APTX: variants seen among roughly 807,000 people sequenced by gnomAD.
APTX encodes the protein aprataxin.
A neutral mutation model predicts 42.3 loss-of-function variants in APTX; 33 were observed. That is an observed-to-expected ratio of 0.78 (90% CI 0.59 to 1.04). The LOEUF (loss-of-function observed/expected upper bound fraction) is 1.04. Among genes scored for constraint, APTX ranks in the 50% least tolerant of loss-of-function variants. The pLI, the probability that APTX is intolerant of heterozygous loss-of-function variation, is 0.00. For missense variants in APTX, 421 were observed against 415.1 expected, an observed-to-expected ratio of 1.01 and a Z score of -0.12; for synonymous variants, 130 against 146.7, an observed-to-expected ratio of 0.89 and a Z score of 0.82.
At chr9:32,979,654 C>A in intron 6 of APTX, 1 of 158,758 alleles carries the variant, frequency 6.3e-6, no homozygotes, top group South Asian at 1.7e-4. Flanking sequence ...ACTCTGGGTT[C>A]CACCTGCCTT....
intron 1 of APTX, among the ~76,000 whole-genome samples, chr9:33,008,061 T>C (rs1837284739): frequency 6.6e-6 from 1 of 152,212 alleles, no homozygotes; most frequent in Admixed American, 6.5e-5. Context: ...TTTTCTAGTA[T>C]CATTTTATTT....
intron 1 of APTX, among the ~76,000 whole-genome samples, chr9:33,015,480 T>G (rs936491582): frequency 6.6e-6 from 1 of 152,156 alleles, no homozygotes; most frequent in Non-Finnish European, 1.5e-5. Flanking sequence ...TGCCTCAGCC[T>G]CCCGAGTAGC....
chr9:33,024,063 A>AAT (rs1212270832), intron 1 of APTX, among the ~76,000 whole-genome samples: 1 of 152,198 alleles, frequency 6.6e-6, no homozygotes, highest in African/African-American at 2.4e-5. Context: ...CTATCAGGTT[A>AAT]ATATAGGAGG....
At chr9:32,981,631 G>A (rs1830698504) in intron 6 of APTX, among the ~76,000 whole-genome samples, 1 of 152,148 alleles carries the variant, frequency 6.6e-6, no homozygotes, top group South Asian at 2.1e-4. Context: ...CCCAAAAGAT[G>A]TTGAAGGCGT....
chr9:32,980,750 G>T (rs1218248586), intron 6 of APTX, among the ~76,000 whole-genome samples: 3 of 152,204 alleles, frequency 2.0e-5, no homozygotes, highest in Admixed American at 2.0e-4. Context: ...AGAACAAACA[G>T]AACTTATTAA....
intron 1 of APTX, among the ~76,000 whole-genome samples, chr9:33,008,430 A>G (rs1837311330): frequency 1.3e-5 from 2 of 152,058 alleles, no homozygotes; most frequent in South Asian, 4.1e-4. Context: ...AATTAGAGAC[A>G]GGGTCTCACT....
At chr9:33,010,700 C>CCT (rs957782170) in intron 1 of APTX, among the ~76,000 whole-genome samples, 6 of 146,806 alleles carry the variant, frequency 4.1e-5, no homozygotes, top group African/African-American at 1.5e-4. Context: ...GCCTGGGCAA[C>CCT]AAGAGTGAAA....
At chr9:32,990,031 C>G in intron 1 of APTX, 136 bp from the exon 2 acceptor site, 1 of 1,038,348 alleles carries the variant, frequency 9.6e-7, no homozygotes, top group Non-Finnish European at 1.4e-6. Context: ...ACCCTAGTCT[C>G]AATTTCCTCA....
intron 4 of APTX, 92 bp from the exon 5 acceptor site, chr9:32,986,122 CTG>C (rs897483598): frequency 8.7e-7 from 1 of 1,152,152 alleles, no homozygotes; most frequent in Non-Finnish European, 1.3e-6. Flanking sequence ...ACAGTTAATA[CTG>C]TGTGATAGCA....
intron 6 of APTX, among the ~76,000 whole-genome samples, chr9:32,982,907 A>G (rs1831014738): frequency 1.3e-5 from 2 of 152,152 alleles, no homozygotes; most frequent in Admixed American, 1.3e-4. Context: ...CATCCACCCT[A>G]TGACCTAACA....
chr9:33,000,113 T>A (rs1047411767), intron 1 of APTX, among the ~76,000 whole-genome samples: 1 of 152,174 alleles, frequency 6.6e-6, no homozygotes, highest in African/African-American at 2.4e-5. Flanking sequence ...CTACTCGCTG[T>A]GTGACTTGAG....
At chr9:32,994,011 G>A (rs1400819614) in intron 1 of APTX, among the ~76,000 whole-genome samples, 4 of 152,118 alleles carry the variant, frequency 2.6e-5, no homozygotes, top group Admixed American at 1.3e-4. Flanking sequence ...GAGCCACCGC[G>A]CCCGGCCCAG....
chr9:32,991,080 CCA>C (rs1475023870), intron 1 of APTX, among the ~76,000 whole-genome samples: 1 of 152,112 alleles, frequency 6.6e-6, no homozygotes, highest in Non-Finnish European at 1.5e-5. Flanking sequence ...GCATGTGTCA[CCA>C]CAGTCAGCTA....
chr9:33,024,076 CT>C (rs1482269522), intron 1 of APTX, among the ~76,000 whole-genome samples: 1 of 152,238 alleles, frequency 6.6e-6, no homozygotes, highest in African/African-American at 2.4e-5. Context: ...ATAGGAGGCT[CT>C]CCCCTACTGA....
intron 7 of APTX, 59 bp from the exon 8 acceptor site, chr9:32,973,711 CAAAAAAA>C: frequency 3.0e-6 from 4 of 1,331,618 alleles, no homozygotes; most frequent in Middle Eastern, 2.2e-4. Flanking sequence ...TATGAGATAC[CAAAAAAA>C]AAAAAAAAAA....
chr9:32,987,648 C>T lies in APTX; in HGVS notation c.379G>A (p.Asp127Asn), dbSNP rs898522455. ...RSGNSDSIER[D>N]AAQEAEAGTG... ...CCAGCCTCAGCTTCCTGAGCAGCAT[C>T]CCTTTCTATAGAATCACTGTTGCCT... Residue 127 changes from aspartate to asparagine, a missense_variant, in exon 4 of 8, where the codon GAT becomes AAT. Asp to Asn is a conservative substitution (Grantham distance 23). Coordinates refer to ENST00000379817, the MANE Select transcript of APTX (RefSeq NM_001195248.2). 1.9e-5 allele frequency: 30 copies of T among 1,614,086 alleles called. No homozygotes were observed. The highest frequency in any genetic ancestry group is 2.5e-5 in the Non-Finnish European group (29 of 1,180,050).
intron 4 of APTX, among the ~76,000 whole-genome samples, chr9:32,986,898 T>C (rs1253487308): frequency 6.6e-6 from 1 of 152,084 alleles, no homozygotes; most frequent in African/African-American, 2.4e-5. Flanking sequence ...AACCTCCGCC[T>C]TCCAGGTTCA....
intron 6 of APTX, among the ~76,000 whole-genome samples, chr9:32,976,337 C>G (rs2118350843): frequency 6.6e-6 from 1 of 152,194 alleles, no homozygotes; most frequent in East Asian, 1.9e-4. Flanking sequence ...ATGTATCAAA[C>G]CTGCCTGTTG....
At chr9:32,979,797 C>T (rs1329297985) in intron 6 of APTX, 2 of 168,938 alleles carry the variant, frequency 1.2e-5, no homozygotes, top group Non-Finnish European at 2.6e-5. Context: ...GTACATTTTC[C>T]CTTAAATTTG....
Sources: allele counts gnomAD v4.1 joint callset (sites outside exome capture counted in the v4.1 genomes callset), GRCh38; gene constraint gnomAD v4.1.1; transcripts MANE v1.5; gene names NCBI Gene and HGNC (gene_info 2026-07-23, HGNC 2026-07-21).